The following PCDHA6 variants were observed in gnomAD, a reference collection of about 807,000 sequenced individuals.
The protein encoded by PCDHA6 is protocadherin alpha 6, also known as protocadherin alpha-6.
A neutral mutation model predicts 60.3 loss-of-function variants in PCDHA6; 55 were observed. The observed-to-expected ratio is 0.91, with a 90% CI of 0.73 to 1.14. The LOEUF is 1.14. Among genes scored for constraint, PCDHA6 ranks in the 50% most tolerant of loss-of-function variants. The probability of loss-of-function intolerance (pLI) is 0.00; values close to 1 mark genes in which losing one functional copy is unlikely to be tolerated. For synonymous variants in PCDHA6, 652 were observed against 557.9 expected, an observed-to-expected ratio of 1.17 and a Z score of -2.38; for missense variants, 1,327 against 1,256.5, an observed-to-expected ratio of 1.06 and a Z score of -0.85.
intron 1 of PCDHA6, chr5:140,862,697 T>C (rs2047497328): frequency 1.8e-6 from 1 of 556,706 alleles, no homozygotes; most frequent in East Asian, 5.0e-5. Context: ...TACTCGTTGA[T>C]GGAACAGCGG....
chr5:140,951,922 T>C (rs191831107), intron 1 of PCDHA6, among the ~76,000 whole-genome samples: 135 of 152,266 alleles, frequency 8.9e-4, no homozygotes, highest in Non-Finnish European at 1.0e-3. Flanking sequence ...AACAAGTTAG[T>C]TACTCCCAAG....
chr5:141,010,405 C>A lies in PCDHA6; in HGVS notation c.*468C>A. The A allele has an allele frequency of 7.9e-7, 1 of 1,260,098 alleles. No homozygotes were observed. The highest frequency in any genetic ancestry group is 1.1e-6 in the Non-Finnish European group (1 of 934,062). The allele number at this position is 1,260,098 out of a possible 1,614,324, so 78.1% of individuals were successfully genotyped here. On this transcript the variant is annotated 3_prime_UTR_variant, in exon 4 of 4. Transcript: ENST00000529310. ...ATTGGCTGAGACGAGCCAGCTTAGACTAATTGGTACAAGGAAGGCAAGAAA... is the reference window on the plus strand; with the variant it reads ...ATTGGCTGAGACGAGCCAGCTTAGAATAATTGGTACAAGGAAGGCAAGAAA...
chr5:140,883,481 T>C (rs1401240290), intron 1 of PCDHA6: 1 of 1,614,166 alleles, frequency 6.2e-7, no homozygotes, highest in East Asian at 2.2e-5. Flanking sequence ...CAAGAACTAC[T>C]ACTCATTAGT....
At chr5:140,863,304 C>T in intron 1 of PCDHA6, 1 of 1,463,904 alleles carries the variant, frequency 6.8e-7, no homozygotes, top group Non-Finnish European at 9.3e-7. Context: ...TCATCGCCAT[C>T]TGCGTGGTGT....
At position 140,850,814 on chromosome 5, in the gene PCDHA6, C is replaced by A. The variant is rs2150499236; in HGVS notation, c.2394+20329C>A. The A allele has an allele frequency of 8.1e-6, 13 of 1,598,168 alleles. 1 individual carries two copies. In the South Asian group the frequency reaches 1.4e-4, roughly 18 times the overall value. On this transcript the variant is annotated intron_variant, in intron 1 of 3. Transcript: ENST00000529310. ...AGAAGACCGACCTCATGGCCTTCAG[C>A]CCGGGCCTTTCTCCTTGTGCTGGAT...
At chr5:140,865,342 T>C (rs1437907469) in intron 1 of PCDHA6, 1 of 152,320 alleles carries the variant, frequency 6.6e-6, no homozygotes, top group African/African-American at 2.4e-5. Context: ...AAAGAAATAG[T>C]ATATTTACAT....
chr5:140,953,131 C>T (rs1554220819), intron 1 of PCDHA6, among the ~76,000 whole-genome samples: 1 of 152,158 alleles, frequency 6.6e-6, no homozygotes, highest in African/African-American at 2.4e-5. Context: ...TAAACCGTAT[C>T]ACTGTTATAT....
intron 1 of PCDHA6, among the ~76,000 whole-genome samples, chr5:140,913,414 CA>C: frequency 6.6e-6 from 1 of 152,102 alleles, no homozygotes; most frequent in African/African-American, 2.4e-5. Context: ...TGAATTCCTG[CA>C]GTATCAGTTG....
rs2150325342 is a variant in PCDHA6, at chr5:140,841,910, A to T, written c.2394+11425A>T. 3.1e-6 allele frequency: 5 copies of T among 1,613,810 alleles called. No individual in the cohort carries two copies. In the African/African-American group the frequency reaches 6.7e-5, roughly 22 times the overall value. ...GAATAAACTGGTTGAGCTCGTATTA[A>T]GAAAATCCTTGGACAGAGAGGACGC... is the stretch of plus-strand genomic sequence containing the variant. On this transcript the variant is annotated intron_variant, in intron 1 of 3. Coordinates refer to ENST00000529310, the MANE Select transcript of PCDHA6 (RefSeq NM_018909.4).
At chr5:140,974,264 C>A (rs2096620873) in intron 1 of PCDHA6, among the ~76,000 whole-genome samples, 1 of 152,168 alleles carries the variant, frequency 6.6e-6, no homozygotes, top group African/African-American at 2.4e-5. Flanking sequence ...CCTTTCTGGC[C>A]TTCCAGGGTC....
intron 1 of PCDHA6, chr5:140,884,494 C>A: frequency 6.2e-7 from 1 of 1,614,068 alleles, no homozygotes; most frequent in Non-Finnish European, 8.5e-7. Context: ...TAGTGTGCTC[C>A]AGCGCGGCAG....
chr5:140,857,393 G>T, intron 1 of PCDHA6: 1 of 1,598,492 alleles, frequency 6.3e-7, no homozygotes, highest in South Asian at 1.1e-5. Context: ...CGACGTGAAC[G>T]ACAACGCGCC....
intron 1 of PCDHA6, among the ~76,000 whole-genome samples, chr5:140,962,388 C>T (rs782676502): frequency 5.9e-5 from 9 of 152,254 alleles, no homozygotes; most frequent in South Asian, 4.1e-4. Flanking sequence ...GTTAATATTA[C>T]GCAATCTGCC....
intron 1 of PCDHA6, chr5:140,877,359 C>T: frequency 1.2e-6 from 2 of 1,614,010 alleles, no homozygotes; most frequent in South Asian, 1.1e-5. Context: ...TGTACACTGG[C>T]GAGATCAGCA....
At chr5:140,974,637 G>A (rs1054796505) in intron 1 of PCDHA6, among the ~76,000 whole-genome samples, 7 of 151,898 alleles carry the variant, frequency 4.6e-5, no homozygotes, top group South Asian at 2.1e-4. Context: ...TCAACCTCCC[G>A]AGTAGCTGAG....
intron 3 of PCDHA6, among the ~76,000 whole-genome samples, chr5:140,999,639 T>C (rs1554256919): frequency 6.6e-6 from 1 of 152,144 alleles, no homozygotes; most frequent in African/African-American, 2.4e-5. Context: ...TAGAGAAAAC[T>C]GTGCAGCCTG....
At chr5:140,852,280 G>T in intron 1 of PCDHA6, 1 of 510,402 alleles carries the variant, frequency 2.0e-6, no homozygotes, top group Non-Finnish European at 2.6e-6. Flanking sequence ...CATGTTTTTT[G>T]TCTTTTTATT....
intron 1 of PCDHA6, chr5:140,857,828 C>G (rs781917564): frequency 6.3e-7 from 1 of 1,597,660 alleles, no homozygotes; most frequent in South Asian, 1.1e-5. Flanking sequence ...GGCTAAGGTG[C>G]GCGCAGTGGA....
intron 1 of PCDHA6, chr5:140,848,600 C>CTA (rs2040492511): frequency 6.3e-7 from 1 of 1,593,634 alleles, no homozygotes; most frequent in Non-Finnish European, 8.6e-7. Flanking sequence ...ACTACTCCGT[C>CTA]CCGGAGGAAG....
Sources: allele counts gnomAD v4.1 joint callset (sites outside exome capture counted in the v4.1 genomes callset), GRCh38; gene constraint gnomAD v4.1.1; transcripts MANE v1.5; gene names NCBI Gene and HGNC (gene_info 2026-07-23, HGNC 2026-07-21).